Variants in MPP7 observed in about 807,000 individuals in gnomAD.
MPP7 encodes the protein MAGUK p55 scaffold protein 7.
Under a neutral mutation model 76.5 loss-of-function variants are expected in MPP7, and 60 were observed. The ratio of observed to expected loss-of-function variants is 0.78; its 90% CI spans 0.64 to 0.97. The LOEUF (loss-of-function observed/expected upper bound fraction) is 0.97, where lower values mean the gene tolerates loss of function less well. MPP7 is among the 50% of genes least tolerant of loss of function. The probability of loss-of-function intolerance (pLI) is 0.00; values close to 1 mark genes in which losing one functional copy is unlikely to be tolerated. For missense variants in MPP7, 641 were observed against 694.0 expected (o/e 0.92, Z 0.86); for synonymous variants, 237 against 244.5 (o/e 0.97, Z 0.29).
chr10:28,104,245 A>T (rs1013009946), intron 11 of MPP7, among the ~76,000 whole-genome samples: 3 of 152,182 alleles, frequency 2.0e-5, no homozygotes, highest in Admixed American at 2.0e-4. Flanking sequence ...TTCATAATAT[A>T]AAAAGAGCTC....
At chr10:28,182,580 A>G (rs1837093198) in intron 3 of MPP7, among the ~76,000 whole-genome samples, 1 of 152,228 alleles carries the variant, frequency 6.6e-6, no homozygotes, top group African/African-American at 2.4e-5. Context: ...ACTGTTCCCA[A>G]TAGTGACATG....
At chr10:28,287,100 G>A (rs1307444417) in intron 1 of MPP7, among the ~76,000 whole-genome samples, 1 of 151,864 alleles carries the variant, frequency 6.6e-6, no homozygotes, top group Non-Finnish European at 1.5e-5. Context: ...TTTAAAGTTG[G>A]GTATTTGGCA....
intron 5 of MPP7, among the ~76,000 whole-genome samples, chr10:28,133,813 GA>G (rs1835270445): frequency 6.6e-6 from 1 of 152,016 alleles, no homozygotes; most frequent in South Asian, 2.1e-4. Flanking sequence ...TATATAATTA[GA>G]ATTACAAGTG....
At chr10:28,120,524 G>A (rs897739033) in intron 9 of MPP7, 70 bp downstream of exon 9, 1 of 1,516,062 alleles carries the variant, frequency 6.6e-7, no homozygotes, top group African/African-American at 1.4e-5. Context: ...GTGACAAAGT[G>A]GATATGTGTT....
chr10:28,155,196 C>G (rs1268265925), intron 3 of MPP7, among the ~76,000 whole-genome samples: 4 of 152,090 alleles, frequency 2.6e-5, no homozygotes, highest in African/African-American at 9.7e-5. Context: ...CTCCTGAAAA[C>G]TATATACAAT....
chr10:28,288,732 G>A (rs949500375), intron 1 of MPP7, among the ~76,000 whole-genome samples: 1 of 152,132 alleles, frequency 6.6e-6, no homozygotes, highest in Non-Finnish European at 1.5e-5. Context: ...CTGAGGTCAA[G>A]GCTGTGCTTG....
At chr10:28,280,239 A>G (rs1840628534) in intron 1 of MPP7, 1 of 152,094 alleles carries the variant, frequency 6.6e-6, no homozygotes. Context: ...GTTCCTCTGT[A>G]TATGTGGGCG....
intron 6 of MPP7, among the ~76,000 whole-genome samples, chr10:28,130,818 T>C (rs898493164): frequency 6.6e-6 from 1 of 152,234 alleles, no homozygotes; most frequent in Non-Finnish European, 1.5e-5. Context: ...TACTTTACCT[T>C]AACAATAATT....
chr10:28,192,572 G>A (rs1482906291), intron 3 of MPP7, among the ~76,000 whole-genome samples: 1 of 152,166 alleles, frequency 6.6e-6, no homozygotes, highest in Non-Finnish European at 1.5e-5. Context: ...AAAATATAGT[G>A]TGCAGAGAAT....
chr10:28,223,053 G>A (rs891872840), intron 2 of MPP7, among the ~76,000 whole-genome samples: 1 of 151,246 alleles, frequency 6.6e-6, no homozygotes, highest in Non-Finnish European at 1.5e-5. Flanking sequence ...AGAATCGCTT[G>A]AACCCGGGAG....
At chr10:28,329,880 C>T (rs1316333962) in intron 2 of MPP7, 1 of 152,142 alleles carries the variant, frequency 6.6e-6, no homozygotes, top group Non-Finnish European at 1.5e-5. Context: ...AATATAAAGG[C>T]TTGGGGTCTA....
chr10:28,224,962 T>C (rs1390696005), intron 2 of MPP7, among the ~76,000 whole-genome samples: 1 of 152,194 alleles, frequency 6.6e-6, no homozygotes, highest in East Asian at 1.9e-4. Context: ...TGTCAAACAG[T>C]GGTATAAAGC....
chr10:28,096,244 C>T (rs574542414), intron 11 of MPP7, among the ~76,000 whole-genome samples: 23 of 152,276 alleles, frequency 1.5e-4, no homozygotes, highest in African/African-American at 5.3e-4. Flanking sequence ...AAATGCTTCT[C>T]GGATTGATTA....
intron 1 of MPP7, among the ~76,000 whole-genome samples, chr10:28,240,531 A>C (rs1839233635): frequency 6.6e-6 from 1 of 152,154 alleles, no homozygotes; most frequent in Non-Finnish European, 1.5e-5. Context: ...ATACAAATCC[A>C]TATAGAAAAG....
intron 11 of MPP7, chr10:28,118,796 G>C: frequency 5.1e-6 from 5 of 985,354 alleles, no homozygotes; most frequent in Non-Finnish European, 6.0e-6. Flanking sequence ...TGGGCTATAT[G>C]CTTCTGCAAA....
chr10:28,067,939 C>G (rs1425365295), intron 13 of MPP7, among the ~76,000 whole-genome samples: 1 of 152,158 alleles, frequency 6.6e-6, no homozygotes, highest in Non-Finnish European at 1.5e-5. Flanking sequence ...TCCTTTCTAT[C>G]CCTATCTCCT....
chr10:28,327,049 T>C (rs1428152606), intron 2 of MPP7, among the ~76,000 whole-genome samples: 3 of 152,012 alleles, frequency 2.0e-5, no homozygotes, highest in Non-Finnish European at 4.4e-5. Context: ...GTCACCAGCA[T>C]TTACTTGGGA....
chr10:28,172,247 A>G (rs1588881930), intron 3 of MPP7, among the ~76,000 whole-genome samples: 2 of 152,374 alleles, frequency 1.3e-5, no homozygotes, highest in South Asian at 2.1e-4. Context: ...ACAGATTTTT[A>G]AAATTCAGCA....
intron 2 of MPP7, among the ~76,000 whole-genome samples, chr10:28,221,749 C>T (rs1838515514): frequency 6.6e-6 from 1 of 152,208 alleles, no homozygotes; most frequent in South Asian, 2.1e-4. Flanking sequence ...TAGTCTGTGC[C>T]TTATCTTAAA....
Sources: allele counts gnomAD v4.1 joint callset (sites outside exome capture counted in the v4.1 genomes callset), GRCh38; gene constraint gnomAD v4.1.1; transcripts MANE v1.5; gene names NCBI Gene and HGNC (gene_info 2026-07-23, HGNC 2026-07-21).